Variants in EML4 observed in about 807,000 individuals in gnomAD.
The protein encoded by EML4 is echinoderm microtubule-associated protein-like 4.
EML4 carries 72 observed loss-of-function variants against 129.0 expected under a neutral mutation model. The observed-to-expected ratio is 0.56, with a 90% CI of 0.46 to 0.68. The LOEUF is 0.68. Among genes scored for constraint, EML4 ranks in the 30% least tolerant of loss-of-function variants. The pLI is 0.00. For synonymous variants in EML4, 532 were observed against 405.0 expected, an observed-to-expected ratio of 1.31 and a Z score of -3.77; for missense variants, 1,363 against 1,190.6, an observed-to-expected ratio of 1.14 and a Z score of -2.13.
chr2:42,276,042 C>T (rs1030602402), intron 6 of EML4, among the ~76,000 whole-genome samples: 6 of 151,880 alleles, frequency 4.0e-5, no homozygotes, highest in South Asian at 2.1e-4. Flanking sequence ...TCAAGAAGCC[C>T]GAGAATCTCA....
chr2:42,273,847 C>T (rs909435657), intron 6 of EML4, among the ~76,000 whole-genome samples: 2 of 152,086 alleles, frequency 1.3e-5, no homozygotes, highest in Admixed American at 1.3e-4. Context: ...ACTATTTTTA[C>T]AGCTAGATCA....
intron 1 of EML4, among the ~76,000 whole-genome samples, chr2:42,203,425 T>C (rs994868636): frequency 1.3e-5 from 2 of 152,180 alleles, no homozygotes; most frequent in Non-Finnish European, 2.9e-5. Flanking sequence ...TTGAATAAAT[T>C]TGGTTTGTCA....
Position 42,325,571 on chromosome 2 carries a change from TTA to T in EML4, c.2242+33_2242+34del, listed in dbSNP as rs149584395. The T allele has an allele frequency of 0.01, 4,858 of 473,304 alleles. No homozygotes were observed. The highest frequency in any genetic ancestry group is 0.013 in the East Asian group (257 of 19,332). The allele number at this position is 473,304 out of a possible 1,614,324, so 29.3% of individuals were successfully genotyped here. A position where few individuals can be genotyped will look rare whatever the true frequency, so the allele number is the denominator to read the frequency against. On this transcript the variant is annotated intron_variant, in intron 20 of 22. Coordinates refer to ENST00000318522, the MANE Select transcript of EML4 (RefSeq NM_019063.5). ...TATTGTACTGTAAGTATGAATGATT[TTA>T]TATATATATATATATGCTATGATTA...
At chr2:42,228,229 A>AG (rs1452121060) in intron 1 of EML4, among the ~76,000 whole-genome samples, 2 of 152,104 alleles carry the variant, frequency 1.3e-5, no homozygotes, top group African/African-American at 4.8e-5. Context: ...TCAAAAAAAA[A>AG]AAAAGTATAC....
chr2:42,194,019 T>C (rs532635161), intron 1 of EML4, among the ~76,000 whole-genome samples: 1 of 152,348 alleles, frequency 6.6e-6, no homozygotes, highest in South Asian at 2.1e-4. Context: ...AACATTACTT[T>C]ATTGTGAAAT....
chr2:42,210,621 T>C (rs1456461637), intron 1 of EML4, among the ~76,000 whole-genome samples: 2 of 152,230 alleles, frequency 1.3e-5, no homozygotes, highest in Admixed American at 1.3e-4. Context: ...TTTAGAATTC[T>C]TCTGTTCCCT....
chr2:42,303,251 G>A (rs769674977), intron 15 of EML4, 22 bp downstream of exon 15: 61 of 1,613,822 alleles, frequency 3.8e-5, no homozygotes, highest in African/African-American at 5.3e-5. Flanking sequence ...GATATTAACC[G>A]TTAACTGAAT....
intron 1 of EML4, among the ~76,000 whole-genome samples, chr2:42,234,939 T>C (rs963912669): frequency 1.7e-4 from 26 of 152,110 alleles, no homozygotes; most frequent in African/African-American, 6.3e-4. Flanking sequence ...GGTGGATCAC[T>C]GGAGGCCAGG....
chr2:42,279,340 T>G (rs1181308808), intron 6 of EML4, among the ~76,000 whole-genome samples: 12 of 152,192 alleles, frequency 7.9e-5, no homozygotes. Context: ...ATATGGTAGT[T>G]GTGTTTTTAA....
At chr2:42,259,930 C>G (rs1665616654) in intron 3 of EML4, among the ~76,000 whole-genome samples, 1 of 151,840 alleles carries the variant, frequency 6.6e-6, no homozygotes, top group African/African-American at 2.4e-5. Flanking sequence ...CGGGATTTCA[C>G]CATGTTAGGC....
At chr2:42,188,830 T>G (rs762708458) in intron 1 of EML4, among the ~76,000 whole-genome samples, 5 of 152,072 alleles carry the variant, frequency 3.3e-5, no homozygotes, top group Non-Finnish European at 7.4e-5. Context: ...CCAGCCTACT[T>G]TTAAAATTAC....
At chr2:42,237,290 G>C (rs575558381) in intron 1 of EML4, among the ~76,000 whole-genome samples, 16 of 152,122 alleles carry the variant, frequency 1.1e-4, no homozygotes, top group African/African-American at 3.6e-4. Context: ...CCATGTGTAT[G>C]GATTACTTTC....
chr2:42,203,970 G>T (rs1358498460), intron 1 of EML4, among the ~76,000 whole-genome samples: 1 of 152,028 alleles, frequency 6.6e-6, no homozygotes, highest in Admixed American at 6.5e-5. Flanking sequence ...GCCCAGGCTA[G>T]GGTGCAGTGA....
At chr2:42,263,655 C>T (rs1335621791) in intron 5 of EML4, among the ~76,000 whole-genome samples, 7 of 151,528 alleles carry the variant, frequency 4.6e-5, no homozygotes, top group East Asian at 1.9e-4. Flanking sequence ...TGCCTGCCTC[C>T]GCCTCCCAAA....
rs1464311394 is a variant in EML4 at position 42,271,625 on chromosome 2, A to G, written c.667+6894A>G. On this transcript the variant is annotated intron_variant, in intron 6 of 22. Transcript: ENST00000318522. ...CTCTGGACATCAAGTATATGACTTC[A>G]TTAGAGAACGTTCTAATCTTATACG... Among the ~76,000 whole-genome samples, 7 of 152,310 alleles carry G rather than the reference A, an allele frequency of 4.6e-5. No individual in the cohort carries two copies. In the East Asian group the frequency reaches 7.7e-4, roughly 17 times the overall value.
Position 42,316,005 on chromosome 2 carries a change from C to T in EML4, c.2011C>T (p.His671Tyr). 6.2e-7 allele frequency: 1 copy of T among 1,613,402 alleles called. No homozygotes were observed. Among genetic ancestry groups the T allele is most frequent in the Non-Finnish European group, 8.5e-7 (1 of 1,179,620 alleles). The change falls in exon 18 of 23, where the codon CAC (histidine) becomes TAC (tyrosine). Residue 671 changes from histidine (H) to tyrosine (Y), a missense_variant. Physicochemically the swap from His to Tyr is moderately conservative, Grantham distance 83. Coordinates refer to ENST00000318522, the MANE Select transcript of EML4 (RefSeq NM_019063.5). ...DAETRDLVSI[H>Y]TDGNEQLSVM... ...AGAAACCAGAGATCTAGTTTCTATC[C>T]ACACAGACGGGAATGAACAGCTCTC...
chr2:42,182,978 C>A (rs926035772), intron 1 of EML4, among the ~76,000 whole-genome samples: 2 of 152,066 alleles, frequency 1.3e-5, no homozygotes, highest in Admixed American at 6.5e-5. Flanking sequence ...CCACAGCCCA[C>A]TGCCTGTCTC....
chr2:42,275,262 A>G (rs1558564768), intron 6 of EML4, among the ~76,000 whole-genome samples: 1 of 152,182 alleles, frequency 6.6e-6, no homozygotes. Flanking sequence ...TTTTCCTTTC[A>G]TACTAAGTCT....
intron 13 of EML4, among the ~76,000 whole-genome samples, chr2:42,300,498 T>G (rs776401361): frequency 2.0e-5 from 3 of 152,202 alleles, no homozygotes; most frequent in Non-Finnish European, 4.4e-5. Flanking sequence ...ACAAGAAAAC[T>G]GGGCTGTTAT....
Sources: allele counts gnomAD v4.1 joint callset (sites outside exome capture counted in the v4.1 genomes callset), GRCh38; gene constraint gnomAD v4.1.1; transcripts MANE v1.5; gene names NCBI Gene and HGNC (gene_info 2026-07-23, HGNC 2026-07-21).